PAIP1: variants seen among roughly 807,000 people sequenced by gnomAD.
PAIP1 encodes polyadenylate-binding protein-interacting protein 1.
A neutral mutation model predicts 61.3 loss-of-function variants in PAIP1; 16 were observed. The observed-to-expected ratio is 0.26, with a 90% CI of 0.18 to 0.40. The LOEUF (loss-of-function observed/expected upper bound fraction) is 0.40. PAIP1 is among the 10% of genes least tolerant of loss of function. PAIP1 has a pLI of 1.00. For missense variants in PAIP1, 416 were observed against 600.9 expected (o/e 0.69, Z 3.22); for synonymous variants, 187 against 226.2 (o/e 0.83, Z 1.56).
At chr5:43,531,655 T>TTAAAAA (rs1561228142) in intron 9 of PAIP1, among the ~76,000 whole-genome samples, 1 of 7,950 alleles carries the variant, frequency 1.3e-4, no homozygotes, top group Admixed American at 1.4e-3. Flanking sequence ...AGACTCTGTC[T>TTAAAAA]CAAAAAAAAA....
intron 7 of PAIP1, among the ~76,000 whole-genome samples, chr5:43,535,180 A>T (rs185840121): frequency 6.6e-5 from 10 of 152,348 alleles, no homozygotes; most frequent in African/African-American, 2.4e-4. Flanking sequence ...ATGGACCTTA[A>T]AGGCAGTGGC....
At position 43,534,026 on chromosome 5, in the gene PAIP1, A is replaced by G. The variant is rs535038226; in HGVS notation, c.1198-234T>C. 3.9e-5 allele frequency among the ~76,000 whole-genome samples: 6 copies of G among 152,308 alleles called. No individual in the cohort carries two copies. The East Asian group carries it at 7.7e-4, about 20-fold the overall frequency. ...CTAACGGTGCTGTCTATTGTCTTTC[A>G]GTGAACTGTTCTGTTGTGCATTGTC... On this transcript the variant is annotated intron_variant, in intron 8 of 10. Transcript: ENST00000306846.
intron 10 of PAIP1, among the ~76,000 whole-genome samples, chr5:43,529,362 T>G (rs1465136790): frequency 6.6e-6 from 1 of 152,158 alleles, no homozygotes; most frequent in African/African-American, 2.4e-5. Flanking sequence ...TTTCTGAAAA[T>G]TTTTAGTACA....
intron 1 of PAIP1, 166 bp from the exon 2 acceptor site, chr5:43,556,165 G>C: frequency 7.1e-7 from 1 of 1,406,760 alleles, no homozygotes; most frequent in East Asian, 2.6e-5. Context: ...CCTACAAAAA[G>C]GAACAATAGA....
intron 1 of PAIP1, chr5:43,556,228 G>A (rs1027464299): frequency 7.0e-6 from 9 of 1,291,270 alleles, no homozygotes; most frequent in Non-Finnish European, 8.8e-6. Context: ...GTGCTTGCGA[G>A]CTTTTTTCCT....
chr5:43,540,640 G>A (rs1747361526), intron 4 of PAIP1, among the ~76,000 whole-genome samples: 1 of 152,168 alleles, frequency 6.6e-6, no homozygotes, highest in Admixed American at 6.5e-5. Flanking sequence ...CTTTTTCAAA[G>A]TATGTATATA....
In PAIP1 at chr5:43,547,042, C is replaced by CAAAAAAAA. The variant is rs766493987; in HGVS notation, c.621+678_621+685dup. 5.6e-3 allele frequency among the ~76,000 whole-genome samples: 200 copies of CAAAAAAAA among 35,664 alleles called. 72 individuals carry two copies. Among genetic ancestry groups the CAAAAAAAA allele is most frequent in the African/African-American group, 0.024 (172 of 7,306 alleles). The allele number at this position is 35,664 out of a possible 152,430, so 23.4% of individuals were successfully genotyped here. ...TGGGAGACAGGGCAAGACTCCATAT[C>CAAAAAAAA]AAAAAAAAAAAAAAAAAAAAAAAAA... On this transcript the variant is annotated intron_variant, in intron 3 of 10. Coordinates refer to ENST00000306846, the MANE Select transcript of PAIP1 (RefSeq NM_006451.5).
chr5:43,530,550 G>A (rs953904316), intron 9 of PAIP1, among the ~76,000 whole-genome samples: 4 of 152,148 alleles, frequency 2.6e-5, no homozygotes, highest in South Asian at 2.1e-4. Flanking sequence ...AGAAGCCAAC[G>A]GAAATTTTGC....
At chr5:43,532,206 CA>C (rs1746971427) in intron 9 of PAIP1, among the ~76,000 whole-genome samples, 1 of 151,814 alleles carries the variant, frequency 6.6e-6, no homozygotes. Context: ...AAATAAAAAA[CA>C]AATAATCAAA....
Position 43,527,486 on chromosome 5 carries a change from GA to G in PAIP1, c.1347-18del, listed in dbSNP as rs773525051. On this transcript the variant is annotated intron_variant, in intron 10 of 10. Coordinates refer to ENST00000306846, the MANE Select transcript of PAIP1 (RefSeq NM_006451.5). Reference sequence around the variant, plus strand: ...TCCAAGTATCTGTAAAAGCAAAGATGATTCATAAGTGTAAGGTTTTTCAACT... The same window carrying G: ...TCCAAGTATCTGTAAAAGCAAAGATGTTCATAAGTGTAAGGTTTTTCAACT... 1.3e-6 allele frequency: 2 copies of G among 1,589,180 alleles called. No homozygotes were observed. The highest frequency in any genetic ancestry group is 2.3e-5 in the South Asian group (2 of 87,066).
intron 10 of PAIP1, among the ~76,000 whole-genome samples, chr5:43,528,518 T>C (rs1194403191): frequency 6.6e-6 from 1 of 152,186 alleles, no homozygotes; most frequent in East Asian, 1.9e-4. Context: ...TGAAGTTCAA[T>C]GCCAAGAACA....
chr5:43,535,809 A>G (rs1213249153), intron 6 of PAIP1, among the ~76,000 whole-genome samples, 169 bp from the exon 7 acceptor site: 4 of 152,192 alleles, frequency 2.6e-5, no homozygotes, highest in South Asian at 2.1e-4. Context: ...TACGCCCTCT[A>G]TATTTCTCTT....
At chr5:43,539,411 A>AT (rs796277345) in intron 4 of PAIP1, among the ~76,000 whole-genome samples, 13 of 149,700 alleles carry the variant, frequency 8.7e-5, no homozygotes, top group African/African-American at 2.5e-4. Context: ...TGTCTCTGTA[A>AT]TTTTTTTTTT....
At chr5:43,530,326 GGCA>G (rs1448420518) in intron 9 of PAIP1, among the ~76,000 whole-genome samples, 4 of 152,206 alleles carry the variant, frequency 2.6e-5, no homozygotes, top group Non-Finnish European at 1.5e-5. Flanking sequence ...AGATGGGGAA[GGCA>G]GCTACCTGGT....
chr5:43,541,313 A>AG (rs1275144838), intron 4 of PAIP1, among the ~76,000 whole-genome samples: 1 of 4,540 alleles, frequency 2.2e-4, no homozygotes, highest in Non-Finnish European at 3.9e-4. Context: ...TTGTATTTTT[A>AG]GGGTTTTTTT....
intron 2 of PAIP1, 131 bp from the exon 3 acceptor site, chr5:43,548,044 T>C: frequency 3.4e-6 from 2 of 588,390 alleles, no homozygotes; most frequent in Non-Finnish European, 5.9e-6. Flanking sequence ...ATCAATAAAA[T>C]TGTCAATTGA....
chr5:43,547,917 C>T lies in PAIP1; in HGVS notation c.436-4G>A, dbSNP rs771131836. On this transcript the variant is annotated splice_region_variant and splice_polypyrimidine_tract_variant and intron_variant, in intron 2 of 10. Coordinates refer to ENST00000306846, the MANE Select transcript of PAIP1 (RefSeq NM_006451.5). The stretch of plus-strand genomic sequence containing the variant: ...CACAACCATCCTCATAGGATTCCTA[C>T]GGATCAAAAATGAAAAAACAATTTT... The T allele has an allele frequency of 2.3e-5, 36 of 1,592,624 alleles. No homozygotes were observed. The highest frequency in any genetic ancestry group is 1.7e-4 in the Middle Eastern group (1 of 5,870).
At chr5:43,543,982 A>G (rs1561234567) in intron 3 of PAIP1, among the ~76,000 whole-genome samples, 1 of 151,888 alleles carries the variant, frequency 6.6e-6, no homozygotes, top group Non-Finnish European at 1.5e-5. Flanking sequence ...ATCTCTATAA[A>G]AAAATTTTAA....
chr5:43,547,203 G>A (rs1747671747), intron 3 of PAIP1, among the ~76,000 whole-genome samples: 1 of 152,108 alleles, frequency 6.6e-6, no homozygotes, highest in Non-Finnish European at 1.5e-5. Flanking sequence ...GCAAAGGCAA[G>A]TAGAAATGCT....
Sources: gnomAD v4.1 joint callset for allele counts (sites outside exome capture counted in the v4.1 genomes callset) on GRCh38, gnomAD v4.1.1 for gene constraint, MANE v1.5 for transcripts, NCBI Gene and HGNC (gene_info 2026-07-23, HGNC 2026-07-21) for gene names.